The following TTC27 variants were observed in gnomAD, a reference collection of about 807,000 sequenced individuals.
The protein encoded by TTC27 is tetratricopeptide repeat protein 27.
TTC27 carries 79 observed loss-of-function variants against 115.9 expected under a neutral mutation model. The observed-to-expected ratio is 0.68, with a 90% confidence interval of 0.57 to 0.82. The LOEUF (loss-of-function observed/expected upper bound fraction) is 0.82. Ranked by LOEUF, TTC27 falls within the 40% of genes least tolerant of loss-of-function variation. The pLI is 0.00. For missense variants in TTC27, 1,054 were observed against 993.1 expected (o/e 1.06, Z -0.82); for synonymous variants, 401 against 356.0 (o/e 1.13, Z -1.42).
chr2:32,673,104 T>A (rs1666068505), intron 8 of TTC27, among the ~76,000 whole-genome samples: 2 of 152,212 alleles, frequency 1.3e-5, no homozygotes, highest in Admixed American at 1.3e-4. Context: ...GAATAGTTCC[T>A]CATTTTTGCT....
At chr2:32,773,396 A>G (rs1669893078) in intron 13 of TTC27, among the ~76,000 whole-genome samples, 1 of 152,196 alleles carries the variant, frequency 6.6e-6, no homozygotes. Context: ...GTGGGGGAAG[A>G]GATATGCTCC....
At chr2:32,629,082 G>T (rs1010610044) in intron 1 of TTC27, among the ~76,000 whole-genome samples, 3 of 149,956 alleles carry the variant, frequency 2.0e-5, no homozygotes, top group African/African-American at 7.4e-5. Context: ...TTTATTTAAG[G>T]TCACACTGTT....
At chr2:32,667,277 C>G (rs1426580345) in intron 7 of TTC27, among the ~76,000 whole-genome samples, 2 of 151,890 alleles carry the variant, frequency 1.3e-5, no homozygotes, top group Non-Finnish European at 2.9e-5. Flanking sequence ...GTTTATTTGA[C>G]ATGTCTAGTG....
chr2:32,696,253 A>G (rs72860830), intron 9 of TTC27, among the ~76,000 whole-genome samples: 18,800 of 151,042 alleles, frequency 0.12, 1,433 homozygotes, highest in Middle Eastern at 0.28. Context: ...TGTTGTTTCT[A>G]TACCACATTT....
intron 3 of TTC27, among the ~76,000 whole-genome samples, chr2:32,638,092 G>GTTTGGGAATTGA (rs1468014583): frequency 6.6e-6 from 1 of 152,228 alleles, no homozygotes; most frequent in Non-Finnish European, 1.5e-5. Flanking sequence ...GCGTGGGCTG[G>GTTTGGGAATTGA]TTTGGGAATT....
At position 32,664,478 on chromosome 2, in the gene TTC27, T is replaced by C. The variant is rs1336686605; in HGVS notation, c.805+11T>C. 5 of 1,591,200 alleles carry C rather than the reference T, an allele frequency of 3.1e-6. No homozygotes were observed. The highest frequency in any genetic ancestry group is 2.6e-6 in the Non-Finnish European group (3 of 1,173,848). On this transcript the variant is annotated intron_variant, in intron 6 of 19. Coordinates refer to ENST00000317907, the MANE Select transcript of TTC27 (RefSeq NM_017735.5). ...AAATTGATTTGACAGGTAAGACTTATTTTTTGTGGATAATTGATTTTATTT... is the reference window on the plus strand; with the variant it reads ...AAATTGATTTGACAGGTAAGACTTACTTTTTGTGGATAATTGATTTTATTT...
intron 13 of TTC27, chr2:32,766,416 A>G: frequency 3.1e-6 from 1 of 319,326 alleles, no homozygotes; most frequent in South Asian, 2.9e-5. Flanking sequence ...TTGAACGCTG[A>G]GAGGCACTGT....
At chr2:32,666,826 A>T in intron 7 of TTC27, 58 bp downstream of exon 7, 1 of 1,572,570 alleles carries the variant, frequency 6.4e-7, no homozygotes, top group Non-Finnish European at 8.7e-7. Flanking sequence ...GAATTTCAAT[A>T]GCTGAGTACC....
intron 5 of TTC27, among the ~76,000 whole-genome samples, chr2:32,661,113 G>A (rs577123721): frequency 5.5e-4 from 83 of 152,246 alleles, no homozygotes; most frequent in African/African-American, 1.9e-3. Context: ...CCTCTACTCT[G>A]TTTCATTGGT....
intron 9 of TTC27, among the ~76,000 whole-genome samples, chr2:32,681,978 ATATGTGTGTGTGTGTGTGTG>A (rs1325138046): frequency 1.9e-4 from 26 of 137,886 alleles, no homozygotes; most frequent in African/African-American, 3.6e-4. Context: ...ATATGTATAT[ATATGTGTGTGTGTGTGTGTG>A]TGTGTGTGTG....
chr2:32,693,853 A>G (rs1303691631), intron 9 of TTC27, among the ~76,000 whole-genome samples: 3 of 152,258 alleles, frequency 2.0e-5, no homozygotes, highest in African/African-American at 7.2e-5. Context: ...ACTTCTTTTT[A>G]TGAAAAGATA....
chr2:32,698,781 A>G (rs958983207), intron 9 of TTC27, among the ~76,000 whole-genome samples: 1 of 152,120 alleles, frequency 6.6e-6, no homozygotes, highest in Non-Finnish European at 1.5e-5. Context: ...CGCCCGGCCA[A>G]GGAACGTGTT....
intron 16 of TTC27, among the ~76,000 whole-genome samples, chr2:32,804,182 TA>T (rs1396173711): frequency 6.6e-6 from 1 of 152,160 alleles, no homozygotes; most frequent in African/African-American, 2.4e-5. Context: ...TATCAAAGAT[TA>T]AAAAATTTTA....
At chr2:32,791,943 TATGTA>T (rs889703896) in intron 16 of TTC27, among the ~76,000 whole-genome samples, 7 of 152,184 alleles carry the variant, frequency 4.6e-5, no homozygotes, top group African/African-American at 1.7e-4. Flanking sequence ...CATGTATTCT[TATGTA>T]ATCACCACCC....
intron 14 of TTC27, among the ~76,000 whole-genome samples, chr2:32,780,712 T>C (rs1670146714): frequency 6.6e-6 from 1 of 152,218 alleles, no homozygotes; most frequent in Admixed American, 6.5e-5. Context: ...AGTGATGGGA[T>C]TACAGATGTG....
intron 4 of TTC27, among the ~76,000 whole-genome samples, chr2:32,646,060 G>A (rs1178458295): frequency 3.8e-5 from 5 of 132,468 alleles, no homozygotes; most frequent in Admixed American, 7.6e-5. Flanking sequence ...ATGGAGTCTC[G>A]CTCTGTCGCC....
In TTC27 at chr2:32,628,213, T is replaced by C. The variant is rs2063524084; in HGVS notation, c.-80T>C. On this transcript the variant is annotated 5_prime_UTR_variant, in exon 1 of 20. Coordinates refer to ENST00000317907, the MANE Select transcript of TTC27 (RefSeq NM_017735.5). ...CCACTAGATTTCAGCGCCTTTGGACTCTCCTGTTTTCACTTTCTTTTGTTG... is the reference window on the plus strand; with the variant it reads ...CCACTAGATTTCAGCGCCTTTGGACCCTCCTGTTTTCACTTTCTTTTGTTG... The C allele has an allele frequency of 1.0e-5, 14 of 1,365,906 alleles. No individual in the cohort carries two copies. The Admixed American group carries it at 1.6e-4, about 16-fold the overall frequency. 84.6% of individuals were successfully genotyped at this position (1,365,906 alleles called of 1,614,324 possible). A position where few individuals can be genotyped will look rare whatever the true frequency, so the allele number is the denominator to read the frequency against.
At chr2:32,800,427 C>T (rs913611606) in intron 16 of TTC27, among the ~76,000 whole-genome samples, 21 of 152,170 alleles carry the variant, frequency 1.4e-4, no homozygotes, top group Non-Finnish European at 2.8e-4. Context: ...ATGATCTGCC[C>T]GCCTTGGCCT....
At chr2:32,733,543 A>G (rs535406576) in intron 10 of TTC27, among the ~76,000 whole-genome samples, 1 of 152,364 alleles carries the variant, frequency 6.6e-6, no homozygotes, top group Admixed American at 6.5e-5. Context: ...TAGAAGAAGT[A>G]AAAAGGCTTA....
Sources: allele counts gnomAD v4.1 joint callset (sites outside exome capture counted in the v4.1 genomes callset), GRCh38; gene constraint gnomAD v4.1.1; transcripts MANE v1.5; gene names NCBI Gene and HGNC (gene_info 2026-07-23, HGNC 2026-07-21).